Variants in ZNF829 observed in about 807,000 individuals in gnomAD.
ZNF829 encodes the protein zinc finger protein 829.
A neutral mutation model predicts 35.2 loss-of-function variants in ZNF829; 25 were observed. The ratio of observed to expected loss-of-function variants is 0.71; its 90% confidence interval spans 0.52 to 0.99. ZNF829 has a LOEUF of 0.99. ZNF829 is among the 50% of genes least tolerant of loss of function. The pLI, the probability that ZNF829 is intolerant of heterozygous loss-of-function variation, is 0.00. For missense variants in ZNF829, 417 were observed against 515.3 expected (o/e 0.81, Z 1.85); for synonymous variants, 136 against 163.2 (o/e 0.83, Z 1.27).
chr19:36,900,995 T>C (rs1160145329), intron 5 of ZNF829, among the ~76,000 whole-genome samples: 1 of 152,152 alleles, frequency 6.6e-6, no homozygotes, highest in African/African-American at 2.4e-5. Context: ...CACAGAGTTA[T>C]GATATGACCC....
At chr19:36,896,722 C>T (rs1371660359) in intron 5 of ZNF829, among the ~76,000 whole-genome samples, 1 of 152,120 alleles carries the variant, frequency 6.6e-6, no homozygotes, top group East Asian at 1.9e-4. Context: ...ATACGTTAGG[C>T]CATAAGACAA....
chr19:36,903,946 G>A (rs2073194276), intron 5 of ZNF829, among the ~76,000 whole-genome samples: 2 of 152,020 alleles, frequency 1.3e-5, no homozygotes, highest in Non-Finnish European at 2.9e-5. Context: ...AGACATCTCA[G>A]TTTTGATGGG....
At position 36,889,453 on chromosome 19, in the gene ZNF829, A is replaced by G. The variant is rs2073029578; in HGVS notation, c.*2039T>C. ...TTTTGTTTTTGCAAGATTTTTTTCT[A>G]TTACTGATTCAATTTCAATACTCAG... On this transcript the variant is annotated 3_prime_UTR_variant, in exon 6 of 6. Coordinates refer to ENST00000391711, the MANE Select transcript of ZNF829 (RefSeq NM_001037232.4). The G allele has an allele frequency of 6.6e-6, 1 of 151,926 alleles. No homozygotes were observed. 9.4% of individuals were successfully genotyped at this position (151,926 alleles called of 1,614,324 possible).
At position 36,891,439 on chromosome 19, in the gene ZNF829, G is replaced by A; in HGVS notation, c.*53C>T. 2.0e-6 allele frequency: 3 copies of A among 1,491,898 alleles called. No individual in the cohort carries two copies. Among genetic ancestry groups the A allele is most frequent in the South Asian group, 2.9e-5 (2 of 68,214 alleles). 92.4% of individuals were successfully genotyped at this position (1,491,898 alleles called of 1,614,324 possible). A position where few individuals can be genotyped will look rare whatever the true frequency, so the allele number is the denominator to read the frequency against. On this transcript the variant is annotated 3_prime_UTR_variant, in exon 6 of 6. Coordinates refer to ENST00000391711, the MANE Select transcript of ZNF829 (RefSeq NM_001037232.4). The stretch of plus-strand genomic sequence containing the variant: ...GTATCCTAATTTGTTCTCCTTACCT[G>A]TTTTAAAAAAATTATTATAAAGGTT...
At chr19:36,900,818 AG>A (rs1343623509) in intron 5 of ZNF829, among the ~76,000 whole-genome samples, 1 of 150,326 alleles carries the variant, frequency 6.7e-6, no homozygotes, top group African/African-American at 2.5e-5. Context: ...ATTGCACTCC[AG>A]ACTGGGCAAC....
At chr19:36,903,287 C>T (rs1189083971) in intron 5 of ZNF829, among the ~76,000 whole-genome samples, 1 of 152,130 alleles carries the variant, frequency 6.6e-6, no homozygotes, top group Admixed American at 6.5e-5. Context: ...TAGAGGATGG[C>T]TATACCTTTG....
At position 36,909,699 on chromosome 19, in the gene ZNF829, C is replaced by T. The variant is rs1226625903; in HGVS notation, c.97-1240G>A. On this transcript the variant is annotated intron_variant, in intron 3 of 5. Transcript: ENST00000391711. ...GTGCACGCCTGTAATCCTAGCTACT[C>T]GGGAGGCTGAGGTAGGAGAATCACT... Among the ~76,000 whole-genome samples, 4 of 151,412 alleles carry T rather than the reference C, an allele frequency of 2.6e-5. No homozygotes were observed. In the South Asian group the frequency reaches 6.3e-4, roughly 24 times the overall value.
In ZNF829 at chr19:36,891,667, G is replaced by A. The variant is rs756758300; in HGVS notation, c.1124C>T (p.Thr375Ile). The A allele has an allele frequency of 6.2e-7, 1 of 1,613,508 alleles. No individual in the cohort carries two copies. The highest frequency in any genetic ancestry group is 1.1e-5 in the South Asian group (1 of 91,002). Residue 375 changes from threonine to isoleucine, a missense_variant, in exon 6 of 6, where the codon ACA becomes ATA. Thr to Ile is a moderately conservative substitution (Grantham distance 89). Coordinates refer to ENST00000391711, the MANE Select transcript of ZNF829 (RefSeq NM_001037232.4). ...SELIQHQRIH[T>I]DEKPYECNEC... is the part of the protein sequence containing the mutation. ...ATTACATTCATATGGTTTTTCATCT[G>A]TATGGATTCTCTGATGTTGAATAAG...
At chr19:36,904,627 T>C (rs907289948) in intron 5 of ZNF829, among the ~76,000 whole-genome samples, 2 of 152,192 alleles carry the variant, frequency 1.3e-5, no homozygotes, top group Non-Finnish European at 2.9e-5. Flanking sequence ...TTCGAACTCC[T>C]GACCTCAAGT....
rs2073056466 is a variant in ZNF829 at position 36,891,809 on chromosome 19, G to GAAA, written c.981_982insTTT (p.Lys327_Gln328insPhe). ...GCACTATTAAAGGCCTTCCCACACT[G>GAAA]CTTACATTCATAAGGTTTCTCACCA... On this transcript the variant is annotated inframe_insertion, in exon 6 of 6. Coordinates refer to ENST00000391711, the MANE Select transcript of ZNF829 (RefSeq NM_001037232.4). 6.2e-7 allele frequency: 1 copy of GAAA among 1,613,930 alleles called. No individual in the cohort carries two copies. The highest frequency in any genetic ancestry group is 1.7e-5 in the Admixed American group (1 of 59,992).
intron 5 of ZNF829, among the ~76,000 whole-genome samples, chr19:36,894,891 A>G (rs934386271): frequency 2.5e-4 from 38 of 152,238 alleles, no homozygotes; most frequent in African/African-American, 9.2e-4. Flanking sequence ...TAACAAAATA[A>G]CTGAAAACTT....
rs188940799 is a variant in ZNF829, at chr19:36,893,154, G to A, written c.320-683C>T. 28 of 394,836 alleles carry A rather than the reference G, an allele frequency of 7.1e-5. No individual in the cohort carries two copies. The Middle Eastern group carries it at 1.9e-3, about 27-fold the overall frequency. The allele number at this position is 394,836 out of a possible 1,614,324, so 24.5% of individuals were successfully genotyped here. ...ATGTCGGGGGCGGGTGGAGTTCAGT[G>A]ACTGTGCAATGGTATACTGGCAAAT... On this transcript the variant is annotated intron_variant, in intron 5 of 5. Transcript: ENST00000391711.
At chr19:36,908,151 G>T in intron 4 of ZNF829, 127 bp from the exon 5 acceptor site, 1 of 1,172,616 alleles carries the variant, frequency 8.5e-7, no homozygotes, top group Non-Finnish European at 1.2e-6. Flanking sequence ...AGAAGATGAA[G>T]CTTCAGCCAC....
At chr19:36,902,395 G>A (rs1019372490) in intron 5 of ZNF829, among the ~76,000 whole-genome samples, 2 of 152,224 alleles carry the variant, frequency 1.3e-5, no homozygotes, top group African/African-American at 4.8e-5. Context: ...AGCACTTTGG[G>A]AGGCAAAGGC....
At chr19:36,905,932 G>T (rs2073211856) in intron 5 of ZNF829, 3 of 152,120 alleles carry the variant, frequency 2.0e-5, no homozygotes, top group Non-Finnish European at 4.4e-5. Context: ...GACAAAGGTA[G>T]TCCTATTTCT....
In ZNF829 at chr19:36,891,529, G is replaced by C. The variant is rs766291147; in HGVS notation, c.1262C>G (p.Ser421Cys). The C allele has an allele frequency of 6.9e-6, 11 of 1,596,790 alleles. 1 individual carries two copies. The South Asian group carries it at 1.1e-4, about 16-fold the overall frequency. Reference protein sequence around the residue: ...KECGKAFGSRSDLIRHEGIHT... With the variant: ...KECGKAFGSRCDLIRHEGIHT... ...AATTCCCTCATGGCGAATGAGGTCA[G>C]AGCGACTACCAAAAGCCTTTCCACA... The change falls in exon 6 of 6, where the codon TCT becomes TGT. Residue 421 changes from serine to cysteine, a missense_variant. Coordinates refer to ENST00000391711, the MANE Select transcript of ZNF829 (RefSeq NM_001037232.4).
At chr19:36,902,125 G>T in intron 5 of ZNF829, 6 of 293,030 alleles carry the variant, frequency 2.0e-5, no homozygotes, top group East Asian at 1.5e-4. Flanking sequence ...ACTAATCACT[G>T]ATTGTCAAAT....
chr19:36,906,655 C>T (rs1237618711), intron 5 of ZNF829: 1 of 152,136 alleles, frequency 6.6e-6, no homozygotes, highest in Non-Finnish European at 1.5e-5. Flanking sequence ...GAAATGTGTA[C>T]ATACATTTAC....
intron 3 of ZNF829, among the ~76,000 whole-genome samples, chr19:36,913,297 G>C (rs993659825): frequency 4.6e-5 from 7 of 152,170 alleles, no homozygotes; most frequent in Admixed American, 6.5e-5. Flanking sequence ...GGCCCACTCA[G>C]AGTTCCAAAT....
Sources: gnomAD v4.1 joint callset for allele counts (sites outside exome capture counted in the v4.1 genomes callset) on GRCh38, gnomAD v4.1.1 for gene constraint, MANE v1.5 for transcripts, NCBI Gene and HGNC (gene_info 2026-07-23, HGNC 2026-07-21) for gene names.